RDH12: variants seen among roughly 807,000 people sequenced by gnomAD.
The protein encoded by RDH12 is retinol dehydrogenase 12.
RDH12 carries 21 observed loss-of-function variants against 34.0 expected under a neutral mutation model. The observed-to-expected ratio is 0.62, with a 90% CI of 0.44 to 0.89. RDH12 has a LOEUF of 0.89. Ranked by LOEUF, RDH12 falls within the 40% of genes least tolerant of loss-of-function variation. RDH12 has a pLI of 0.00. For missense variants in RDH12, 394 were observed against 398.6 expected, an observed-to-expected ratio of 0.99 and a Z score of 0.10; for synonymous variants, 198 against 169.9, an observed-to-expected ratio of 1.17 and a Z score of -1.29.
chr14:67,728,829 T>C (rs1433635999), intron 7 of RDH12, among the ~76,000 whole-genome samples: 4 of 151,992 alleles, frequency 2.6e-5, no homozygotes, highest in Non-Finnish European at 5.9e-5. Flanking sequence ...ATCAGATCGC[T>C]ACCCCTAAAC....
intron 1 of RDH12, among the ~76,000 whole-genome samples, chr14:67,718,554 C>A (rs1364193864): frequency 6.6e-6 from 1 of 152,158 alleles, no homozygotes; most frequent in Non-Finnish European, 1.5e-5. Flanking sequence ...GGGAACCTGA[C>A]CTGTGATTGA....
At chr14:67,709,679 GT>G (rs1255484705) in intron 1 of RDH12, among the ~76,000 whole-genome samples, 1 of 152,186 alleles carries the variant, frequency 6.6e-6, no homozygotes, top group Non-Finnish European at 1.5e-5. Flanking sequence ...CAGGAATACA[GT>G]TTATTTTGAT....
At chr14:67,730,621 G>T (rs1043781944) in intron 8 of RDH12, among the ~76,000 whole-genome samples, 1 of 150,398 alleles carries the variant, frequency 6.6e-6, no homozygotes, top group African/African-American at 2.4e-5. Context: ...ATTTTTTTTT[G>T]AGATGGATTT....
At chr14:67,708,794 C>CT (rs377047632) in intron 1 of RDH12, among the ~76,000 whole-genome samples, 28,637 of 136,838 alleles carry the variant, frequency 0.21, 3,842 homozygotes, top group Non-Finnish European at 0.29. Flanking sequence ...TTAATAATAC[C>CT]TTTTTTTTTT....
intron 7 of RDH12, 38 bp from the exon 8 acceptor site, chr14:67,729,153 A>G (rs758482349): frequency 3.8e-6 from 6 of 1,599,914 alleles, no homozygotes; most frequent in Non-Finnish European, 5.1e-6. Context: ...CTGGGCTCAG[A>G]GTGTGTCCCT....
chr14:67,723,771 G>T (rs1048743516), intron 3 of RDH12, among the ~76,000 whole-genome samples: 2 of 152,250 alleles, frequency 1.3e-5, no homozygotes, highest in Middle Eastern at 3.2e-3. Context: ...CAGATGATGT[G>T]CAGGAAATGT....
Position 67,729,222 on chromosome 14 carries a change from A to G in RDH12, c.690A>G (p.Pro230=). The stretch of plus-strand genomic sequence containing the variant: ...GGGTCACCACCTACGCAGTGCACCC[A>G]GGCGTCGTCCGCTCTGAGCTGGTCC... ...GTGVTTYAVH[P]GVVRSELVRH... The change falls in exon 8 of 9, where the codon CCA becomes CCG. Residue 230 remains proline, a synonymous_variant. Transcript: ENST00000551171. 1 of 1,612,094 alleles carries G rather than the reference A, an allele frequency of 6.2e-7. No individual in the cohort carries two copies. The highest frequency in any genetic ancestry group is 1.1e-5 in the South Asian group (1 of 91,048).
intron 1 of RDH12, among the ~76,000 whole-genome samples, chr14:67,708,930 C>T (rs72723155): frequency 0.13 from 20,278 of 151,646 alleles, 1,392 homozygotes; most frequent in East Asian, 0.21. Flanking sequence ...GTAGCTGGGA[C>T]TACAGGCATG....
intron 7 of RDH12, 145 bp from the exon 8 acceptor site, chr14:67,729,046 G>T: frequency 1.2e-6 from 1 of 828,966 alleles, no homozygotes; most frequent in African/African-American, 1.7e-5. Context: ...TTCAAATTCC[G>T]CCTGGCCAGG....
intron 2 of RDH12, among the ~76,000 whole-genome samples, chr14:67,721,707 A>G (rs2038124939): frequency 6.7e-6 from 1 of 149,702 alleles, no homozygotes; most frequent in South Asian, 2.1e-4. Context: ...TTTTCCACCA[A>G]TGTAATAATT....
chr14:67,729,642 AAAG>A (rs1471255091), intron 8 of RDH12: 2 of 613,916 alleles, frequency 3.3e-6, no homozygotes, highest in East Asian at 3.0e-5. Flanking sequence ...GAAAGCTTTT[AAAG>A]AAGACTGTCG....
intron 8 of RDH12, chr14:67,729,685 GT>G: frequency 1.7e-6 from 1 of 571,594 alleles, no homozygotes; most frequent in Non-Finnish European, 3.3e-6. Context: ...GATCTGGATC[GT>G]TTTTCTCCTT....
chr14:67,731,314 A>G (rs571111647), intron 8 of RDH12, among the ~76,000 whole-genome samples: 23 of 148,726 alleles, frequency 1.5e-4, no homozygotes, highest in African/African-American at 5.7e-4. Context: ...TCCTGGGTTC[A>G]AGGGATCCTC....
chr14:67,712,899 C>CT (rs902905755), intron 1 of RDH12, among the ~76,000 whole-genome samples: 352 of 149,168 alleles, frequency 2.4e-3, no homozygotes, highest in African/African-American at 6.9e-3. Context: ...GTTCCCTTCT[C>CT]TTTTTTTTTT....
chr14:67,732,239 C>A (rs1357012327), intron 8 of RDH12, among the ~76,000 whole-genome samples: 1 of 151,618 alleles, frequency 6.6e-6, no homozygotes, highest in Non-Finnish European at 1.5e-5. Flanking sequence ...GAATTCCATA[C>A]CAGCCTGGAC....
intron 5 of RDH12, 123 bp downstream of exon 5, chr14:67,725,377 C>T (rs1241092349): frequency 1.0e-6 from 1 of 987,056 alleles, no homozygotes; most frequent in South Asian, 1.4e-5. Flanking sequence ...GGTTCTGCCA[C>T]ATGAACCAGC....
chr14:67,727,274 A>C (rs1441494722), intron 7 of RDH12, 84 bp downstream of exon 7: 4 of 976,744 alleles, frequency 4.1e-6, no homozygotes, highest in Non-Finnish European at 6.3e-6. Context: ...CAGGCTGTCA[A>C]ACATGCACGT....
chr14:67,722,010 A>C (rs563358322), intron 2 of RDH12, among the ~76,000 whole-genome samples: 2 of 152,116 alleles, frequency 1.3e-5, no homozygotes, highest in Admixed American at 6.5e-5. Flanking sequence ...AAAGCATACG[A>C]CTCAGCAGAT....
chr14:67,712,848 T>G (rs2038024720), intron 1 of RDH12, among the ~76,000 whole-genome samples: 1 of 152,080 alleles, frequency 6.6e-6, no homozygotes, highest in Admixed American at 6.5e-5. Flanking sequence ...GGTGGCCTTG[T>G]TATGAAAATA....
Sources: allele counts gnomAD v4.1 joint callset (sites outside exome capture counted in the v4.1 genomes callset), GRCh38; gene constraint gnomAD v4.1.1; transcripts MANE v1.5; gene names NCBI Gene and HGNC (gene_info 2026-07-23, HGNC 2026-07-21).